GABRB1: variants seen among roughly 807,000 people sequenced by gnomAD.
GABRB1 encodes the protein gamma-aminobutyric acid receptor subunit beta-1.
Under a neutral mutation model 51.6 loss-of-function variants are expected in GABRB1, and 17 were observed. That is an observed-to-expected ratio of 0.33 (90% confidence interval 0.23 to 0.49). GABRB1 has a LOEUF of 0.49. Among genes scored for constraint, GABRB1 ranks in the 20% least tolerant of loss-of-function variants. The pLI is 0.99. For missense variants in GABRB1, 410 were observed against 600.6 expected (o/e 0.68, Z 3.32); for synonymous variants, 247 against 218.9 (o/e 1.13, Z -1.14).
At chr4:47,200,795 A>G (rs1480214799) in intron 4 of GABRB1, among the ~76,000 whole-genome samples, 1 of 152,168 alleles carries the variant, frequency 6.6e-6, no homozygotes, top group Non-Finnish European at 1.5e-5. Flanking sequence ...TGTTAACTAC[A>G]TCCTAAGAAA....
Position 47,340,152 on chromosome 4 carries a change from A to T in GABRB1, c.544+19943A>T, listed in dbSNP as rs144872203. On this transcript the variant is annotated intron_variant, in intron 5 of 8. Transcript: ENST00000295454. ...TAAGAGCTTACACAAAGCTTGGAAA[A>T]TCTGGTGAGGAGAGGTCAGAGAAAC... Among the ~76,000 whole-genome samples, 319 of 152,236 alleles carry T rather than the reference A, an allele frequency of 2.1e-3. 2 individuals are homozygous for T. The highest frequency in any genetic ancestry group is 7.4e-3 in the African/African-American group (307 of 41,560).
intron 5 of GABRB1, among the ~76,000 whole-genome samples, chr4:47,342,067 T>A (rs935668490): frequency 2.6e-4 from 39 of 152,222 alleles, no homozygotes; most frequent in Non-Finnish European, 4.1e-4. Context: ...AGTGGACTAG[T>A]GTGCAGAAGT....
At chr4:47,135,338 G>A (rs997412659) in intron 3 of GABRB1, among the ~76,000 whole-genome samples, 6 of 152,082 alleles carry the variant, frequency 3.9e-5, no homozygotes, top group Non-Finnish European at 7.4e-5. Context: ...ATAAAGATCA[G>A]TGCTATTGAC....
At chr4:47,129,411 G>A (rs544301357) in intron 3 of GABRB1, among the ~76,000 whole-genome samples, 10 of 152,178 alleles carry the variant, frequency 6.6e-5, no homozygotes, top group African/African-American at 2.4e-4. Flanking sequence ...ATATTTTAAA[G>A]AAACGTGAAT....
chr4:47,304,297 A>C (rs531296234), intron 4 of GABRB1, among the ~76,000 whole-genome samples: 2 of 152,062 alleles, frequency 1.3e-5, no homozygotes, highest in African/African-American at 4.8e-5. Context: ...CAACTCACCA[A>C]CATTTATCTT....
intron 1 of GABRB1, among the ~76,000 whole-genome samples, chr4:47,002,568 AATGT>A (rs950233785): frequency 6.6e-6 from 1 of 152,194 alleles, no homozygotes; most frequent in Non-Finnish European, 1.5e-5. Flanking sequence ...CAATAGCAGA[AATGT>A]ATGTGTTTTT....
At chr4:47,314,819 A>C (rs1724828772) in intron 4 of GABRB1, among the ~76,000 whole-genome samples, 3 of 151,986 alleles carry the variant, frequency 2.0e-5, no homozygotes, top group Admixed American at 2.0e-4. Context: ...GAAAATCAGG[A>C]TGCCCTTATA....
At chr4:47,271,104 G>T (rs1004639036) in intron 4 of GABRB1, among the ~76,000 whole-genome samples, 6 of 151,964 alleles carry the variant, frequency 3.9e-5, no homozygotes, top group African/African-American at 1.5e-4. Flanking sequence ...ATCAACACAC[G>T]TTCATGATAA....
intron 3 of GABRB1, among the ~76,000 whole-genome samples, chr4:47,109,578 C>T (rs140192680): frequency 2.6e-5 from 4 of 151,954 alleles, no homozygotes; most frequent in Admixed American, 6.6e-5. Flanking sequence ...CTATAGGTGG[C>T]GGCCATGTGT....
intron 4 of GABRB1, among the ~76,000 whole-genome samples, chr4:47,244,568 A>G (rs1221763737): frequency 6.6e-6 from 1 of 152,078 alleles, no homozygotes; most frequent in African/African-American, 2.4e-5. Context: ...AGAGCCTGCT[A>G]TTGGTGTATT....
chr4:47,031,788 A>C lies in GABRB1; in HGVS notation c.80+57A>C. 2.6e-6 allele frequency: 4 copies of C among 1,550,468 alleles called. No homozygotes were observed. In the South Asian group the frequency reaches 3.3e-5, roughly 13 times the overall value. On this transcript the variant is annotated intron_variant, in intron 1 of 8. Coordinates refer to ENST00000295454, the MANE Select transcript of GABRB1 (RefSeq NM_000812.4). ...TCTCTCTCTCTCTTTTTTTCTTGGTATGTTTCTTTTTACGTGTCTGCTGGA... is the reference window on the plus strand; with the variant it reads ...TCTCTCTCTCTCTTTTTTTCTTGGTCTGTTTCTTTTTACGTGTCTGCTGGA...
At chr4:47,383,931 A>AAAAT in intron 5 of GABRB1, among the ~76,000 whole-genome samples, 1 of 152,292 alleles carries the variant, frequency 6.6e-6, no homozygotes, top group Non-Finnish European at 1.5e-5. Flanking sequence ...ATCCAAAACT[A>AAAAT]AAATCATCAT....
intron 4 of GABRB1, among the ~76,000 whole-genome samples, chr4:47,207,129 ATTAT>A (rs1720158719): frequency 1.3e-5 from 2 of 151,942 alleles, no homozygotes; most frequent in South Asian, 4.1e-4. Context: ...AGTGTGTTCA[ATTAT>A]TTAACAGGAC....
intron 5 of GABRB1, among the ~76,000 whole-genome samples, chr4:47,368,168 A>G (rs983577215): frequency 4.6e-5 from 7 of 152,116 alleles, no homozygotes; most frequent in African/African-American, 1.7e-4. Context: ...CATAATTGGA[A>G]TCTCCACCCC....
intron 4 of GABRB1, among the ~76,000 whole-genome samples, chr4:47,256,114 G>A (rs1025595057): frequency 1.3e-5 from 2 of 152,186 alleles, no homozygotes; most frequent in African/African-American, 4.8e-5. Context: ...TCAGAGCAGA[G>A]ATGATAGGGG....
rs370421589 is a variant in GABRB1, at chr4:47,425,842, G to A, written c.1249G>A (p.Ala417Thr). 22 of 1,614,014 alleles carry A rather than the reference G, an allele frequency of 1.4e-5. No individual in the cohort carries two copies. The highest frequency in any genetic ancestry group is 4.5e-5 in the East Asian group (2 of 44,884). ...PLSSREAYGR[A>T]LDRHGVPSKG... ...GAGCAGCCGCGAGGCCTACGGGCGC[G>A]CCCTGGACCGGCACGGGGTACCCAG... Residue 417 changes from alanine to threonine, a missense_variant, in exon 9 of 9, where the codon GCC (alanine) becomes ACC (threonine). Ala to Thr is a moderately conservative substitution (Grantham distance 58, BLOSUM62 0). This residue lies in a region of GABRB1 where 181 missense variants were observed against 195.6 expected (regional missense o/e 0.93). Transcript: ENST00000295454.
chr4:47,020,006 G>A lies in GABRB1; in HGVS notation c.-19-11908G>A, dbSNP rs557477110. Among the ~76,000 whole-genome samples, 20 of 151,402 alleles carry A rather than the reference G, an allele frequency of 1.3e-4. No individual in the cohort carries two copies. In the South Asian group the frequency reaches 1.5e-3, roughly 11 times the overall value. ...TCACCATGTTGCCTAGGCTGGTCTC[G>A]AACTCTTGGACTCAAGCAATCTACC... On this transcript the variant is annotated intron_variant, in intron 1 of 3. Transcript: ENST00000513567.
intron 3 of GABRB1, among the ~76,000 whole-genome samples, chr4:47,082,459 T>C (rs1047135873): frequency 2.0e-5 from 3 of 152,124 alleles, no homozygotes; most frequent in Non-Finnish European, 4.4e-5. Context: ...GTACTAGATG[T>C]AAATCAGAAG....
In GABRB1 at chr4:47,416,049, C is replaced by T. The variant is rs552475179; in HGVS notation, c.1080+9123C>T. 4.6e-5 allele frequency among the ~76,000 whole-genome samples: 7 copies of T among 152,294 alleles called. No individual in the cohort carries two copies. In the East Asian group the frequency reaches 1.3e-3, roughly 29 times the overall value. ...GTAGTGATGAACAACAAAAAAAGCACCTGCCCTCCTGGAGCTTATATTCCA... is the reference window on the plus strand; with the variant it reads ...GTAGTGATGAACAACAAAAAAAGCATCTGCCCTCCTGGAGCTTATATTCCA... On this transcript the variant is annotated intron_variant, in intron 8 of 8. Coordinates refer to ENST00000295454, the MANE Select transcript of GABRB1 (RefSeq NM_000812.4).
Sources: allele counts gnomAD v4.1 joint callset (sites outside exome capture counted in the v4.1 genomes callset), GRCh38; gene constraint gnomAD v4.1.1; regional missense constraint gnomAD v4.1.1; transcripts MANE v1.5; gene names NCBI Gene and HGNC (gene_info 2026-07-23, HGNC 2026-07-21).